LRRC28: variants seen among roughly 807,000 people sequenced by gnomAD.
LRRC28 encodes leucine rich repeat containing 28, also known as leucine-rich repeat-containing protein 28.
LRRC28 carries 39 observed loss-of-function variants against 45.7 expected under a neutral mutation model. That is an observed-to-expected ratio of 0.85 (90% CI 0.66 to 1.12). The LOEUF (loss-of-function observed/expected upper bound fraction) is 1.12. LRRC28 is among the 50% of genes most tolerant of loss of function. The pLI, the probability that LRRC28 is intolerant of heterozygous loss-of-function variation, is 0.00. For missense variants in LRRC28, 435 were observed against 438.5 expected (o/e 0.99, Z 0.07); for synonymous variants, 206 against 178.8 (o/e 1.15, Z -1.22).
intron 6 of LRRC28, among the ~76,000 whole-genome samples, chr15:99,347,291 G>C (rs573517970): frequency 1.3e-5 from 2 of 151,668 alleles, no homozygotes; most frequent in Admixed American, 6.6e-5. Context: ...CTCACTGCAA[G>C]CTCCGCCTCC....
intron 9 of LRRC28, among the ~76,000 whole-genome samples, chr15:99,365,869 CA>C (rs1160192852): frequency 6.6e-6 from 1 of 152,082 alleles, no homozygotes; most frequent in Non-Finnish European, 1.5e-5. Flanking sequence ...ATATTTATAG[CA>C]AAGAAGAATA....
intron 3 of LRRC28, 119 bp from the exon 4 acceptor site, chr15:99,287,138 G>A: frequency 1.4e-6 from 1 of 708,750 alleles, no homozygotes; most frequent in South Asian, 2.0e-5. Flanking sequence ...CATTAGAGTA[G>A]GGTGCAAAAG....
intron 6 of LRRC28, among the ~76,000 whole-genome samples, chr15:99,345,424 C>G (rs1363781624): frequency 6.6e-6 from 1 of 152,122 alleles, no homozygotes; most frequent in Non-Finnish European, 1.5e-5. Flanking sequence ...GGCTATAGGA[C>G]TTGTTGAGCA....
chr15:99,290,283 A>G (rs971980984), intron 5 of LRRC28, among the ~76,000 whole-genome samples: 2 of 152,046 alleles, frequency 1.3e-5, no homozygotes, highest in African/African-American at 4.8e-5. Flanking sequence ...AAAAGAAAAA[A>G]ATGGCACCAG....
At chr15:99,318,443 G>A (rs1044293048) in intron 5 of LRRC28, among the ~76,000 whole-genome samples, 1 of 152,014 alleles carries the variant, frequency 6.6e-6, no homozygotes, top group Admixed American at 6.6e-5. Flanking sequence ...TATTATAGAA[G>A]TAGTTCATAG....
chr15:99,328,871 G>C (rs536687565), intron 5 of LRRC28, among the ~76,000 whole-genome samples: 1 of 151,758 alleles, frequency 6.6e-6, no homozygotes, highest in South Asian at 2.1e-4. Flanking sequence ...ACTGAGAGTT[G>C]CATCATTGGC....
At chr15:99,380,918 C>T (rs1197203848) in intron 9 of LRRC28, among the ~76,000 whole-genome samples, 12 of 152,214 alleles carry the variant, frequency 7.9e-5, no homozygotes, top group Admixed American at 7.9e-4. Context: ...GTCTGATGGG[C>T]TTTCCTTTGT....
intron 7 of LRRC28, chr15:99,353,715 T>C (rs1462219787): frequency 1.3e-5 from 2 of 152,130 alleles, no homozygotes; most frequent in African/African-American, 4.8e-5. Flanking sequence ...GCCAGCAAGC[T>C]CCAAAGCTGA....
chr15:99,334,281 C>G, intron 6 of LRRC28, 152 bp downstream of exon 6: 1 of 792,872 alleles, frequency 1.3e-6, no homozygotes, highest in Non-Finnish European at 2.0e-6. Flanking sequence ...AGCGTCATTC[C>G]TAGCTAACAA....
intron 7 of LRRC28, among the ~76,000 whole-genome samples, chr15:99,357,823 T>A (rs1396691944): frequency 1.3e-5 from 2 of 152,176 alleles, no homozygotes; most frequent in Non-Finnish European, 2.9e-5. Flanking sequence ...GTATGATTTC[T>A]GATTTTGATG....
Position 99,334,132 on chromosome 15 carries a change from A to T in LRRC28, c.592+3A>T, listed in dbSNP as rs143203231. On this transcript the variant is annotated splice_donor_region_variant and intron_variant, in intron 6 of 9. Transcript: ENST00000301981. ...CCGTCTTGCATTTTTGCCACTTGGTAAGTGATTGTGTTTAAAGTAAAGCAG... is the reference window on the plus strand; with the variant it reads ...CCGTCTTGCATTTTTGCCACTTGGTTAGTGATTGTGTTTAAAGTAAAGCAG... 5 of 1,613,960 alleles carry T rather than the reference A, an allele frequency of 3.1e-6. No individual in the cohort carries two copies. Among genetic ancestry groups the T allele is most frequent in the African/African-American group, 2.7e-5 (2 of 74,910 alleles).
chr15:99,268,893 C>T (rs1167110065), intron 2 of LRRC28, among the ~76,000 whole-genome samples: 1 of 152,132 alleles, frequency 6.6e-6, no homozygotes, highest in African/African-American at 2.4e-5. Flanking sequence ...TGCTTGTAAC[C>T]TCCAACCCTT....
chr15:99,313,835 T>C (rs1297510446), intron 5 of LRRC28, among the ~76,000 whole-genome samples: 4 of 152,158 alleles, frequency 2.6e-5, no homozygotes, highest in East Asian at 1.9e-4. Context: ...GAGGGTGCTC[T>C]CTCTGGTAGC....
chr15:99,255,215 T>C (rs2080980466), intron 1 of LRRC28, among the ~76,000 whole-genome samples: 1 of 151,500 alleles, frequency 6.6e-6, no homozygotes, highest in African/African-American at 2.4e-5. Context: ...AACAATTAGC[T>C]GAGTGTGGTG....
At chr15:99,260,808 T>C (rs917279382) in intron 2 of LRRC28, among the ~76,000 whole-genome samples, 1 of 152,264 alleles carries the variant, frequency 6.6e-6, no homozygotes, top group Non-Finnish European at 1.5e-5. Flanking sequence ...GTTGAAAATA[T>C]AGAGTATCTC....
Position 99,259,537 on chromosome 15 carries a change from A to G in LRRC28, c.168+3412A>G, listed in dbSNP as rs1248061462. On this transcript the variant is annotated intron_variant, in intron 2 of 9. Transcript: ENST00000301981. ...AGGCTATGGTATCTCAGTGCCTGACAGAATCTCTGTGTGCTTTGGTGGCCA... is the reference window on the plus strand; with the variant it reads ...AGGCTATGGTATCTCAGTGCCTGACGGAATCTCTGTGTGCTTTGGTGGCCA... The G allele has an allele frequency of 4.0e-6, 5 of 1,236,206 alleles. No homozygotes were observed. In the Admixed American group the frequency reaches 8.4e-5, roughly 21 times the overall value. 76.6% of individuals were successfully genotyped at this position (1,236,206 alleles called of 1,614,324 possible).
At chr15:99,255,845 G>A (rs2081000866) in intron 1 of LRRC28, 53 bp from the exon 2 acceptor site, 10 of 1,173,816 alleles carry the variant, frequency 8.5e-6, no homozygotes, top group Non-Finnish European at 1.1e-5. Context: ...GGTTTATATG[G>A]CAATTCTTGT....
At chr15:99,269,680 G>T (rs2081423046) in intron 2 of LRRC28, among the ~76,000 whole-genome samples, 1 of 152,166 alleles carries the variant, frequency 6.6e-6, no homozygotes, top group African/African-American at 2.4e-5. Context: ...TAGGATTACA[G>T]GTGTGAGCTA....
At chr15:99,277,832 T>C (rs1597213068) in intron 3 of LRRC28, among the ~76,000 whole-genome samples, 1 of 152,168 alleles carries the variant, frequency 6.6e-6, no homozygotes, top group South Asian at 2.1e-4. Context: ...TTTCCATCTT[T>C]TTAGTCTACT....
Sources: allele counts gnomAD v4.1 joint callset (sites outside exome capture counted in the v4.1 genomes callset), GRCh38; gene constraint gnomAD v4.1.1; transcripts MANE v1.5; gene names NCBI Gene and HGNC (gene_info 2026-07-23, HGNC 2026-07-21).